Variants in COG5 observed in about 807,000 individuals in gnomAD.
COG5 encodes the protein conserved oligomeric Golgi complex subunit 5.
COG5 carries 86 observed loss-of-function variants against 110.4 expected under a neutral mutation model. The observed-to-expected ratio is 0.78, with a 90% CI of 0.65 to 0.93. The LOEUF is 0.93. Among genes scored for constraint, COG5 ranks in the 40% least tolerant of loss-of-function variants. COG5 has a pLI of 0.00. For missense variants in COG5, 1,077 were observed against 987.0 expected, an observed-to-expected ratio of 1.09 and a Z score of -1.22; for synonymous variants, 360 against 334.6, an observed-to-expected ratio of 1.08 and a Z score of -0.83.
chr7:107,209,923 G>T (rs986260101), intron 21 of COG5: 2 of 986,556 alleles, frequency 2.0e-6, no homozygotes, highest in Non-Finnish European at 2.4e-6. Flanking sequence ...GAGAGCAGTT[G>T]CAGGGAAGAG....
At chr7:107,563,074 T>C (rs1804024675) in intron 1 of COG5, among the ~76,000 whole-genome samples, 1 of 152,196 alleles carries the variant, frequency 6.6e-6, no homozygotes, top group Non-Finnish European at 1.5e-5. Flanking sequence ...ATGTGAACTT[T>C]ATTCTGAAGG....
At chr7:107,368,990 A>C (rs534212064) in intron 8 of COG5, among the ~76,000 whole-genome samples, 20 of 152,296 alleles carry the variant, frequency 1.3e-4, no homozygotes, top group African/African-American at 4.8e-4. Flanking sequence ...TAAGAGACAG[A>C]GTCTTGTTAT....
chr7:107,315,942 C>T (rs572872017), intron 11 of COG5, among the ~76,000 whole-genome samples: 1 of 152,290 alleles, frequency 6.6e-6, no homozygotes, highest in Admixed American at 6.5e-5. Flanking sequence ...TCATTAGCTT[C>T]TTTCACTATA....
intron 10 of COG5, among the ~76,000 whole-genome samples, chr7:107,350,330 G>A (rs1812021895): frequency 6.6e-6 from 1 of 151,934 alleles, no homozygotes. Flanking sequence ...TTGTAATCTT[G>A]TGTTTACTGT....
intron 5 of COG5, among the ~76,000 whole-genome samples, chr7:107,536,887 A>G (rs1432350337): frequency 6.6e-6 from 1 of 152,212 alleles, no homozygotes; most frequent in East Asian, 1.9e-4. Flanking sequence ...AGTAACCAAA[A>G]CAGCATGGTA....
intron 11 of COG5, among the ~76,000 whole-genome samples, chr7:107,317,344 CAG>C (rs1808849680): frequency 6.6e-6 from 1 of 152,096 alleles, no homozygotes. Flanking sequence ...GGCGCATAGA[CAG>C]AGAATTCCAG....
intron 6 of COG5, among the ~76,000 whole-genome samples, chr7:107,515,095 C>T (rs547406664): frequency 9.2e-5 from 14 of 152,024 alleles, no homozygotes; most frequent in Non-Finnish European, 1.6e-4. Flanking sequence ...ATAAATTAAA[C>T]GAATTATAAA....
At chr7:107,512,063 A>C (rs994911767) in intron 6 of COG5, among the ~76,000 whole-genome samples, 1 of 152,198 alleles carries the variant, frequency 6.6e-6, no homozygotes, top group African/African-American at 2.4e-5. Context: ...AGGCAGGAGA[A>C]GGAAATAAAG....
At chr7:107,225,745 A>T (rs923173723) in intron 19 of COG5, among the ~76,000 whole-genome samples, 4 of 152,172 alleles carry the variant, frequency 2.6e-5, no homozygotes, top group African/African-American at 9.7e-5. Flanking sequence ...CTATTATTTT[A>T]AAAATAGTAG....
At chr7:107,324,314 T>C in intron 11 of COG5, 126 bp downstream of exon 11, 1 of 635,694 alleles carries the variant, frequency 1.6e-6, no homozygotes, top group South Asian at 2.3e-5. Context: ...AAAATAACAA[T>C]TAGCCAGGAA....
intron 19 of COG5, among the ~76,000 whole-genome samples, chr7:107,224,603 A>C (rs956525607): frequency 1.3e-5 from 2 of 152,230 alleles, no homozygotes; most frequent in South Asian, 4.1e-4. Flanking sequence ...GCTGGTGAAG[A>C]GCATTTGCTC....
At chr7:107,284,755 G>A (rs539620093) in intron 12 of COG5, among the ~76,000 whole-genome samples, 1 of 151,692 alleles carries the variant, frequency 6.6e-6, no homozygotes, top group Non-Finnish European at 1.5e-5. Context: ...TTTTTCTTTC[G>A]ACAATTACTA....
Position 107,362,091 on chromosome 7 carries a change from AC to A in COG5, c.967del (p.Val323TyrfsTer18). On this transcript the variant is annotated frameshift_variant, in exon 10 of 22. Transcript: ENST00000297135. LOFTEE classifies it high-confidence loss of function. Reference protein sequence around the residue: ...VCGQVQHLQKVLAKKRDPVSH... With the variant: ...VCGQVQHLQKXLAKKRDPVSH... ...AACAGGATCTCTCTTCTTGGCCAAT[AC>A]TTTTTGTAGATGTTGTACCTTAAAT... 1 of 1,608,634 alleles carries A rather than the reference AC, an allele frequency of 6.2e-7. No homozygotes were observed. The highest frequency in any genetic ancestry group is 8.5e-7 in the Non-Finnish European group (1 of 1,175,848).
rs1183445262 is a variant in COG5 at position 107,474,186 on chromosome 7, G to C, written c.538+53051C>G. 1.2e-6 allele frequency: 2 copies of C among 1,612,638 alleles called. No homozygotes were observed. The highest frequency in any genetic ancestry group is 1.1e-5 in the South Asian group (1 of 91,056). ...TATCATATCCGTTAAGCTTTCAAGTGTCTCTCACCGGATTTCTTATGTTAG... is the reference window on the plus strand; with the variant it reads ...TATCATATCCGTTAAGCTTTCAAGTCTCTCTCACCGGATTTCTTATGTTAG... On this transcript the variant is annotated intron_variant, in intron 6 of 21. Transcript: ENST00000297135. The surrounding 1 kb of genome is among the most constrained non-coding windows in gnomAD (Gnocchi z 5.7).
intron 6 of COG5, among the ~76,000 whole-genome samples, chr7:107,440,811 G>T (rs1032497219): frequency 6.6e-6 from 1 of 152,162 alleles, no homozygotes; most frequent in African/African-American, 2.4e-5. Context: ...AGAGGGAAGT[G>T]AAGTTTTGTG....
At chr7:107,520,538 C>A (rs1800252092) in intron 6 of COG5, among the ~76,000 whole-genome samples, 1 of 152,066 alleles carries the variant, frequency 6.6e-6, no homozygotes, top group Admixed American at 6.6e-5. Flanking sequence ...TGAACTCCCA[C>A]TCACAACTGC....
intron 19 of COG5, among the ~76,000 whole-genome samples, chr7:107,226,054 A>G (rs562713875): frequency 6.6e-6 from 1 of 152,084 alleles, no homozygotes; most frequent in South Asian, 2.1e-4. Flanking sequence ...ACACACACAA[A>G]AAAACAATAA....
intron 17 of COG5, among the ~76,000 whole-genome samples, chr7:107,246,258 A>T (rs1207282509): frequency 6.6e-6 from 1 of 152,158 alleles, no homozygotes; most frequent in Non-Finnish European, 1.5e-5. Flanking sequence ...AAACTATAAA[A>T]CCCTGGAAGA....
intron 5 of COG5, among the ~76,000 whole-genome samples, chr7:107,545,488 A>G (rs1802345407): frequency 6.6e-6 from 1 of 152,150 alleles, no homozygotes; most frequent in Non-Finnish European, 1.5e-5. Flanking sequence ...CAAAGTGCTG[A>G]AAGAAAATAG....
Sources: allele counts gnomAD v4.1 joint callset (sites outside exome capture counted in the v4.1 genomes callset), GRCh38; gene constraint gnomAD v4.1.1; non-coding constraint Gnocchi (gnomAD v3.1); transcripts MANE v1.5; gene names NCBI Gene and HGNC (gene_info 2026-07-23, HGNC 2026-07-21).